The following IPO11 variants were observed in gnomAD, a reference collection of about 807,000 sequenced individuals.
IPO11 encodes importin 11.
IPO11 carries 66 observed loss-of-function variants against 143.2 expected under a neutral mutation model. The ratio of observed to expected loss-of-function variants is 0.46; its 90% CI spans 0.38 to 0.57. The LOEUF (loss-of-function observed/expected upper bound fraction) is 0.57. Among genes scored for constraint, IPO11 ranks in the 20% least tolerant of loss-of-function variants. IPO11 has a pLI of 0.00. For synonymous variants in IPO11, 385 were observed against 377.8 expected, an observed-to-expected ratio of 1.02 and a Z score of -0.22; for missense variants, 1,026 against 1,141.0, an observed-to-expected ratio of 0.90 and a Z score of 1.45.
At chr5:62,418,978 T>TTTG (rs1219646930) in intron 1 of IPO11, 3 of 1,539,928 alleles carry the variant, frequency 1.9e-6, no homozygotes, top group Non-Finnish European at 2.6e-6. Context: ...GTTAGGCAAT[T>TTTG]TTGTTGTTCT....
chr5:62,562,165 C>G (rs942392341), intron 27 of IPO11: 4 of 152,318 alleles, frequency 2.6e-5, no homozygotes, highest in African/African-American at 9.7e-5. Context: ...AGGTCACCAC[C>G]TTGTTGATGG....
At chr5:62,414,043 A>G (rs1743209277) in intron 1 of IPO11, among the ~76,000 whole-genome samples, 1 of 152,232 alleles carries the variant, frequency 6.6e-6, no homozygotes, top group Admixed American at 6.5e-5. Context: ...TTGTGGCCAT[A>G]TATTATAGTC....
intron 19 of IPO11, among the ~76,000 whole-genome samples, chr5:62,514,000 C>T (rs192892002): frequency 3.3e-5 from 5 of 149,726 alleles, no homozygotes; most frequent in East Asian, 2.0e-4. Context: ...GATGGGCTGC[C>T]GGGCAGAGAC....
At chr5:62,573,299 A>G (rs1261693115) in intron 27 of IPO11, among the ~76,000 whole-genome samples, 4 of 152,228 alleles carry the variant, frequency 2.6e-5, no homozygotes, top group Non-Finnish European at 5.9e-5. Context: ...TAATACTTGA[A>G]GAATGTTGAG....
intron 5 of IPO11, among the ~76,000 whole-genome samples, chr5:62,463,568 G>T (rs372480754): frequency 5.3e-5 from 8 of 151,870 alleles, no homozygotes; most frequent in African/African-American, 1.9e-4. Flanking sequence ...CTACTCAGGA[G>T]GTTGAGGTGA....
chr5:62,453,767 T>C (rs186270740), intron 5 of IPO11, among the ~76,000 whole-genome samples: 98 of 152,302 alleles, frequency 6.4e-4, no homozygotes, highest in African/African-American at 2.1e-3. Flanking sequence ...AAGCTCCCCA[T>C]AGAATTTTTA....
intron 1 of IPO11, among the ~76,000 whole-genome samples, chr5:62,424,924 A>G (rs941180645): frequency 1.3e-5 from 2 of 152,178 alleles, no homozygotes; most frequent in Admixed American, 1.3e-4. Flanking sequence ...AGTAGAACTC[A>G]AAAACACATT....
Position 62,515,383 on chromosome 5 carries a change from A to C in IPO11, c.1783-5A>C. The C allele has an allele frequency of 6.3e-7, 1 of 1,585,188 alleles. No homozygotes were observed. Among genetic ancestry groups the C allele is most frequent in the South Asian group, 1.2e-5 (1 of 85,466 alleles). On this transcript the variant is annotated splice_region_variant and splice_polypyrimidine_tract_variant and intron_variant, in intron 19 of 29. Transcript: ENST00000325324. ...TTGTTGTTTCCTCTACTTATATTGT[A>C]ATAGATACGACCATATGTGGGATGT... is the stretch of plus-strand genomic sequence containing the variant.
intron 20 of IPO11, 81 bp downstream of exon 20, chr5:62,515,582 T>A: frequency 1.2e-6 from 1 of 817,570 alleles, no homozygotes; most frequent in Non-Finnish European, 1.8e-6. Flanking sequence ...TGTTTTTATG[T>A]GATTTATGTT....
At chr5:62,502,418 A>T (rs1011022129) in intron 16 of IPO11, among the ~76,000 whole-genome samples, 7 of 152,076 alleles carry the variant, frequency 4.6e-5, no homozygotes, top group Admixed American at 3.9e-4. Flanking sequence ...AGTACCTCTT[A>T]TTTCTTTTAA....
intron 24 of IPO11, among the ~76,000 whole-genome samples, chr5:62,548,938 A>G (rs1743303461): frequency 6.6e-6 from 1 of 152,032 alleles, no homozygotes; most frequent in Non-Finnish European, 1.5e-5. Flanking sequence ...ATGGGAGTGA[A>G]ATTATACATG....
chr5:62,449,094 T>C (rs1463199150), intron 3 of IPO11, among the ~76,000 whole-genome samples: 3 of 152,098 alleles, frequency 2.0e-5, no homozygotes, highest in African/African-American at 7.2e-5. Flanking sequence ...AGTGCAGTGG[T>C]GCAATCATAG....
At chr5:62,484,194 T>C (rs181305064) in intron 11 of IPO11, 32 bp downstream of exon 11, 5 of 1,535,968 alleles carry the variant, frequency 3.3e-6, no homozygotes, top group Non-Finnish European at 4.4e-6. Flanking sequence ...TTAGAATGAC[T>C]TTTCTCCCCT....
chr5:62,435,656 C>G (rs545296981), intron 1 of IPO11, among the ~76,000 whole-genome samples: 1 of 149,924 alleles, frequency 6.7e-6, no homozygotes, highest in Non-Finnish European at 1.5e-5. Context: ...ACCTGGCAGG[C>G]AGAGGTTGCA....
Position 62,428,631 on chromosome 5 carries a change from C to T in IPO11, c.-6-8643C>T, listed in dbSNP as rs529081050. Among the ~76,000 whole-genome samples, 28 of 152,178 alleles carry T rather than the reference C, an allele frequency of 1.8e-4. No homozygotes were observed. The South Asian group carries it at 4.4e-3, about 24-fold the overall frequency. Reference sequence around the variant, plus strand: ...TGCTGGGATTACAAGCGTGAGCCCCCGCGCCTGGCTATAAGTCACATTAAA... The same window carrying T: ...TGCTGGGATTACAAGCGTGAGCCCCTGCGCCTGGCTATAAGTCACATTAAA... On this transcript the variant is annotated intron_variant, in intron 1 of 29. Coordinates refer to ENST00000325324, the MANE Select transcript of IPO11 (RefSeq NM_016338.5).
rs114077856 is a variant in IPO11, at chr5:62,495,684, T to C, written c.1590+1560T>C. On this transcript the variant is annotated intron_variant, in intron 16 of 29. Coordinates refer to ENST00000325324, the MANE Select transcript of IPO11 (RefSeq NM_016338.5). ...TGGTATGTTGCCACATTGCCCAGGC[T>C]GGTCTTGAACACCTGGACTCAAACG... is the stretch of plus-strand genomic sequence containing the variant. 2.3e-3 allele frequency among the ~76,000 whole-genome samples: 347 copies of C among 152,258 alleles called. 1 individual carries two copies. The highest frequency in any genetic ancestry group is 7.7e-3 in the African/African-American group (321 of 41,554).
At chr5:62,577,457 A>G (rs1011038809) in intron 27 of IPO11, among the ~76,000 whole-genome samples, 2 of 152,212 alleles carry the variant, frequency 1.3e-5, no homozygotes, top group African/African-American at 4.8e-5. Context: ...TTTTATTTCA[A>G]AGGACCCTTT....
intron 9 of IPO11, among the ~76,000 whole-genome samples, chr5:62,479,583 A>G (rs1294867255): frequency 1.3e-5 from 2 of 152,138 alleles, no homozygotes; most frequent in African/African-American, 2.4e-5. Context: ...ATTTCTCCAC[A>G]TCCTCTCCAG....
intron 27 of IPO11, among the ~76,000 whole-genome samples, chr5:62,578,118 C>T (rs1744389590): frequency 6.6e-6 from 1 of 152,016 alleles, no homozygotes; most frequent in Admixed American, 6.5e-5. Context: ...ATTTTTCTTG[C>T]AAAGATAACC....
Sources: gnomAD v4.1 joint callset for allele counts (sites outside exome capture counted in the v4.1 genomes callset) on GRCh38, gnomAD v4.1.1 for gene constraint, MANE v1.5 for transcripts, NCBI Gene and HGNC (gene_info 2026-07-23, HGNC 2026-07-21) for gene names.